The following SNAP25 variants were observed in gnomAD, a reference collection of about 807,000 sequenced individuals.
The protein encoded by SNAP25 is synaptosome associated protein 25.
SNAP25 carries 3 observed loss-of-function variants against 28.7 expected under a neutral mutation model. The ratio of observed to expected loss-of-function variants is 0.10; its 90% CI spans 0.05 to 0.27. SNAP25 has a LOEUF of 0.27. SNAP25 is among the 10% of genes least tolerant of loss of function. SNAP25 has a pLI of 1.00. For synonymous variants in SNAP25, 61 were observed against 88.1 expected (o/e 0.69, Z 1.72); for missense variants, 117 against 278.7 (o/e 0.42, Z 4.13).
At chr20:10,244,095 A>G (rs1053788744) in intron 1 of SNAP25, among the ~76,000 whole-genome samples, 1 of 152,168 alleles carries the variant, frequency 6.6e-6, no homozygotes, top group Non-Finnish European at 1.5e-5. Flanking sequence ...GTATTGGTCA[A>G]ATATCTGTTT....
At chr20:10,290,014 C>A (rs2063963778) in intron 4 of SNAP25, among the ~76,000 whole-genome samples, 1 of 151,990 alleles carries the variant, frequency 6.6e-6, no homozygotes, top group Non-Finnish European at 1.5e-5. Flanking sequence ...ATTCTCCTCC[C>A]AGCCCCCAAG....
intron 7 of SNAP25, among the ~76,000 whole-genome samples, chr20:10,302,474 A>T (rs982171338): frequency 6.6e-6 from 1 of 152,160 alleles, no homozygotes; most frequent in Admixed American, 6.5e-5. Flanking sequence ...AACAGGCTGG[A>T]AGTATGAACT....
intron 4 of SNAP25, among the ~76,000 whole-genome samples, chr20:10,287,619 G>C (rs1034257057): frequency 2.4e-4 from 33 of 139,332 alleles, no homozygotes; most frequent in African/African-American, 8.6e-4. Flanking sequence ...CAGGGATCTA[G>C]AACTAGAAAT....
chr20:10,279,565 A>G (rs1189141851), intron 3 of SNAP25, among the ~76,000 whole-genome samples: 3 of 152,212 alleles, frequency 2.0e-5, no homozygotes, highest in African/African-American at 7.2e-5. Flanking sequence ...AGTCTGAGAC[A>G]TGGTCACTTT....
chr20:10,270,437 G>A (rs145156865), intron 1 of SNAP25, among the ~76,000 whole-genome samples: 99 of 152,166 alleles, frequency 6.5e-4, no homozygotes, highest in African/African-American at 2.2e-3. Flanking sequence ...GATGGCTCAC[G>A]CCTGTAATAC....
chr20:10,251,476 T>C (rs1247000376), intron 1 of SNAP25, among the ~76,000 whole-genome samples: 1 of 152,144 alleles, frequency 6.6e-6, no homozygotes, highest in Admixed American at 6.5e-5. Context: ...GATGATATTA[T>C]GGCAAAAGAA....
chr20:10,273,349 A>G (rs362580), intron 1 of SNAP25, among the ~76,000 whole-genome samples: 1,552 of 152,294 alleles, frequency 0.01, 33 homozygotes, highest in African/African-American at 0.035. Flanking sequence ...TTTCTGTTTC[A>G]TTTTAAGTTT....
chr20:10,302,781 ACT>A (rs1491538332), intron 7 of SNAP25, among the ~76,000 whole-genome samples: 5 of 147,396 alleles, frequency 3.4e-5, no homozygotes, highest in African/African-American at 1.2e-4. Context: ...GAGATTCCAG[ACT>A]TTTTTTTTTT....
At chr20:10,288,854 A>C (rs1190230746) in intron 4 of SNAP25, among the ~76,000 whole-genome samples, 1 of 151,902 alleles carries the variant, frequency 6.6e-6, no homozygotes, top group Non-Finnish European at 1.5e-5. Flanking sequence ...CAGTAGAGAC[A>C]CAGAAGGACC....
chr20:10,289,505 TGGCACTACAA>T (rs1489444156), intron 4 of SNAP25, among the ~76,000 whole-genome samples: 1 of 151,896 alleles, frequency 6.6e-6, no homozygotes, highest in Non-Finnish European at 1.5e-5. Flanking sequence ...AAAAGGTTCA[TGGCACTACAA>T]GGTGGCATCT....
In SNAP25 at chr20:10,289,532, C is replaced by T. The variant is rs562067406; in HGVS notation, c.164-3629C>T. ...GCACTACAAGGTGGCATCTGAAAAACCATCTCTCTAGCTAAAGTCCATTCA... is the reference window on the plus strand; with the variant it reads ...GCACTACAAGGTGGCATCTGAAAAATCATCTCTCTAGCTAAAGTCCATTCA... On this transcript the variant is annotated intron_variant, in intron 4 of 7. Transcript: ENST00000254976. 2.6e-4 allele frequency among the ~76,000 whole-genome samples: 39 copies of T among 151,748 alleles called. No homozygotes were observed. In the South Asian group the frequency reaches 7.6e-3, roughly 29 times the overall value.
intron 1 of SNAP25, among the ~76,000 whole-genome samples, chr20:10,220,931 C>G (rs574187934): frequency 4.9e-4 from 75 of 151,840 alleles, no homozygotes; most frequent in Non-Finnish European, 9.4e-4. Flanking sequence ...TATAGATGAC[C>G]ATGTGTTTCC....
chr20:10,264,152 G>A (rs965475988), intron 1 of SNAP25, among the ~76,000 whole-genome samples: 2 of 151,934 alleles, frequency 1.3e-5, no homozygotes, highest in Non-Finnish European at 2.9e-5. Context: ...TCAATGCCAG[G>A]CCTCCCCAGA....
At chr20:10,289,242 A>G (rs362549) in intron 4 of SNAP25, among the ~76,000 whole-genome samples, 84,704 of 151,960 alleles carry the variant, frequency 0.56, 24,642 homozygotes, top group African/African-American at 0.73. Flanking sequence ...TGAGCCCTGG[A>G]ACTTTCATTC....
In SNAP25 at chr20:10,249,289, G is replaced by A. The variant is rs766018216; in HGVS notation, c.-63-26140G>A. Among the ~76,000 whole-genome samples the A allele has an allele frequency of 1.3e-4, 20 of 152,260 alleles. No homozygotes were observed. The East Asian group carries it at 1.5e-3, about 12-fold the overall frequency. ...GGAGCCCTAGCTGGGAAGCCCCATCGGTGATGGTTGGTGGTAGGATTCCTG... is the reference window on the plus strand; with the variant it reads ...GGAGCCCTAGCTGGGAAGCCCCATCAGTGATGGTTGGTGGTAGGATTCCTG... On this transcript the variant is annotated intron_variant, in intron 1 of 7. Coordinates refer to ENST00000254976, the MANE Select transcript of SNAP25 (RefSeq NM_130811.4).
At chr20:10,299,701 A>G (rs2064190601) in intron 7 of SNAP25, among the ~76,000 whole-genome samples, 1 of 152,208 alleles carries the variant, frequency 6.6e-6, no homozygotes, top group Admixed American at 6.5e-5. Flanking sequence ...CACCACCCCT[A>G]CTGCCAAGAA....
chr20:10,266,022 C>G (rs1284547994), intron 1 of SNAP25, among the ~76,000 whole-genome samples: 1 of 152,150 alleles, frequency 6.6e-6, no homozygotes, highest in South Asian at 2.1e-4. Context: ...AGTTTGATTC[C>G]TATCACATTG....
In SNAP25 at chr20:10,289,763, A is replaced by G. The variant is rs1230986975; in HGVS notation, c.164-3398A>G. Among the ~76,000 whole-genome samples, 3 of 150,316 alleles carry G rather than the reference A, an allele frequency of 2.0e-5. No individual in the cohort carries two copies. The East Asian group carries it at 5.8e-4, about 29-fold the overall frequency. On this transcript the variant is annotated intron_variant, in intron 4 of 7. Coordinates refer to ENST00000254976, the MANE Select transcript of SNAP25 (RefSeq NM_130811.4). Reference sequence around the variant, plus strand: ...TACTATTCTTCTACTGATTTTTACTAGATTGAGAATACTAAGGGCCCCATG... The same window carrying G: ...TACTATTCTTCTACTGATTTTTACTGGATTGAGAATACTAAGGGCCCCATG...
chr20:10,299,841 C>T (rs113328871), intron 7 of SNAP25, among the ~76,000 whole-genome samples: 36 of 152,140 alleles, frequency 2.4e-4, no homozygotes, highest in African/African-American at 6.3e-4. Context: ...AGGCAAAGTT[C>T]GGGAAAATCT....
Sources: gnomAD v4.1 joint callset for allele counts (sites outside exome capture counted in the v4.1 genomes callset) on GRCh38, gnomAD v4.1.1 for gene constraint, MANE v1.5 for transcripts, NCBI Gene and HGNC (gene_info 2026-07-23, HGNC 2026-07-21) for gene names.